The following SCN9A variants were observed in gnomAD, a reference collection of about 807,000 sequenced individuals.
SCN9A encodes sodium voltage-gated channel alpha subunit 9, also known as sodium channel protein type 9 subunit alpha.
A neutral mutation model predicts 187.0 loss-of-function variants in SCN9A; 131 were observed. That is an observed-to-expected ratio of 0.70 (90% confidence interval 0.61 to 0.81). SCN9A has a LOEUF of 0.81. Among genes scored for constraint, SCN9A ranks in the 30% least tolerant of loss-of-function variants. The pLI, the probability that SCN9A is intolerant of heterozygous loss-of-function variation, is 0.00. For missense variants in SCN9A, 2,252 were observed against 2,396.6 expected (o/e 0.94, Z 1.26); for synonymous variants, 809 against 808.6 (o/e 1.00, Z -0.01).
chr2:166,247,397 T>C (rs990437089), intron 18 of SCN9A, among the ~76,000 whole-genome samples: 15 of 152,154 alleles, frequency 9.9e-5, no homozygotes, highest in African/African-American at 3.4e-4. Context: ...TTGGTTATTG[T>C]GTTACTAAAG....
rs866349864 is a variant in SCN9A, at chr2:166,201,438, T to C, written c.4775-1574A>G. Among the ~76,000 whole-genome samples, 458 of 133,284 alleles carry C rather than the reference T, an allele frequency of 3.4e-3. 9 individuals are homozygous for C. The highest frequency in any genetic ancestry group is 0.032 in the Middle Eastern group (5 of 154). 87.4% of individuals were successfully genotyped at this position (133,284 alleles called of 152,430 possible). A position where few individuals can be genotyped will look rare whatever the true frequency, so the allele number is the denominator to read the frequency against. ...TATAGTATGCATATACTATATATAG[T>C]ATAGAGTATGCGTATACTATATATA... On this transcript the variant is annotated intron_variant, in intron 26 of 26. Coordinates refer to ENST00000642356, the MANE Select transcript of SCN9A (RefSeq NM_001365536.1).
At chr2:166,203,031 G>A (rs746713342) in intron 26 of SCN9A, among the ~76,000 whole-genome samples, 2 of 151,346 alleles carry the variant, frequency 1.3e-5, no homozygotes, top group Non-Finnish European at 3.0e-5. Flanking sequence ...GACTTAATAG[G>A]AATGCTTTCA....
At chr2:166,245,399 AG>A (rs1255825168) in intron 18 of SCN9A, among the ~76,000 whole-genome samples, 2 of 151,984 alleles carry the variant, frequency 1.3e-5, no homozygotes, top group African/African-American at 4.8e-5. Flanking sequence ...GGACAGGTAG[AG>A]GAGAAAACTT....
At chr2:166,226,804 T>A in intron 23 of SCN9A, 100 bp from the exon 24 acceptor site, 1 of 788,496 alleles carries the variant, frequency 1.3e-6, no homozygotes, top group Non-Finnish European at 1.9e-6. Flanking sequence ...CTATCCTAGG[T>A]AAACATAGGA....
chr2:166,255,219 A>T (rs891913880), intron 17 of SCN9A, among the ~76,000 whole-genome samples: 1 of 151,480 alleles, frequency 6.6e-6, no homozygotes, highest in African/African-American at 2.4e-5. Context: ...TTGATTGTAA[A>T]CTTATGTAGC....
chr2:166,319,349 C>CAAA (rs397868358), intron 1 of SCN9A, among the ~76,000 whole-genome samples: 5 of 134,812 alleles, frequency 3.7e-5, no homozygotes, highest in Non-Finnish European at 3.2e-5. Context: ...TAAGGTAGAG[C>CAAA]AAAAAAAAAA....
Position 166,239,221 on chromosome 2 carries a change from T to TAAAAAAAAA in SCN9A, c.3628-955_3628-954insTTTTTTTTT, listed in dbSNP as rs1558974298. ...CTGGGCAACAGAGCAAGACTCTGTC[T>TAAAAAAAAA]CAAAAAAAAAAAAAAAAAAAAGGCT... On this transcript the variant is annotated intron_variant, in intron 19 of 26. Coordinates refer to ENST00000642356, the MANE Select transcript of SCN9A (RefSeq NM_001365536.1). Among the ~76,000 whole-genome samples, 2 of 130,050 alleles carry TAAAAAAAAA rather than the reference T, an allele frequency of 1.5e-5. 1 individual carries two copies. The highest frequency in any genetic ancestry group is 3.2e-5 in the Non-Finnish European group (2 of 61,850). The allele number at this position is 130,050 out of a possible 152,430, so 85.3% of individuals were successfully genotyped here.
chr2:166,209,713 T>C lies in SCN9A; in HGVS notation c.4399-5249A>G, dbSNP rs1021244532. ...CAAAAAACACATGAAAAAATGCTCATCATCACTGGCCATCAGAGAAATGCA... is the reference window on the plus strand; with the variant it reads ...CAAAAAACACATGAAAAAATGCTCACCATCACTGGCCATCAGAGAAATGCA... On this transcript the variant is annotated intron_variant, in intron 24 of 26. Transcript: ENST00000642356. 2.6e-5 allele frequency among the ~76,000 whole-genome samples: 4 copies of C among 151,946 alleles called. No homozygotes were observed. The South Asian group carries it at 6.3e-4, about 24-fold the overall frequency.
intron 1 of SCN9A, among the ~76,000 whole-genome samples, chr2:166,358,975 C>T (rs1700216732): frequency 6.6e-6 from 1 of 152,182 alleles, no homozygotes; most frequent in Non-Finnish European, 1.5e-5. Context: ...TTTTTATCCA[C>T]ATGACTACCC....
chr2:166,351,055 A>G (rs540240449), intron 1 of SCN9A, among the ~76,000 whole-genome samples: 14 of 152,226 alleles, frequency 9.2e-5, no homozygotes, highest in Middle Eastern at 3.4e-3. Flanking sequence ...ACAGACATAC[A>G]CACATATTTC....
At chr2:166,287,207 A>T (rs149330843) in intron 10 of SCN9A, among the ~76,000 whole-genome samples, 68 of 152,284 alleles carry the variant, frequency 4.5e-4, no homozygotes, top group Non-Finnish European at 8.5e-4. Flanking sequence ...TTCTTGTAAA[A>T]ACATGGGAAA....
Position 166,271,647 on chromosome 2 carries a change from T to C in SCN9A, c.3351+752A>G, listed in dbSNP as rs977655434. Among the ~76,000 whole-genome samples the C allele has an allele frequency of 1.3e-4, 19 of 151,966 alleles. 1 individual carries two copies. The highest frequency in any genetic ancestry group is 3.9e-4 in the African/African-American group (16 of 41,394). On this transcript the variant is annotated intron_variant, in intron 17 of 26. Coordinates refer to ENST00000642356, the MANE Select transcript of SCN9A (RefSeq NM_001365536.1). ...AGTTTGAAGAATTGCCTGAGTCCAG[T>C]AGTTTGAGACCAGCCTGGGAAACAT...
chr2:166,325,736 G>A (rs1056834022), intron 1 of SCN9A, among the ~76,000 whole-genome samples: 14 of 152,028 alleles, frequency 9.2e-5, no homozygotes, highest in Non-Finnish European at 2.1e-4. Context: ...GGAACTGTGA[G>A]GTAACATAGA....
At chr2:166,312,284 C>T (rs904049766) in intron 1 of SCN9A, among the ~76,000 whole-genome samples, 12 of 152,158 alleles carry the variant, frequency 7.9e-5, no homozygotes, top group Non-Finnish European at 1.3e-4. Context: ...TTCCATCTCA[C>T]GAAACCACTT....
Position 166,198,234 on chromosome 2 carries a change from C to T in SCN9A, c.*438G>A, listed in dbSNP as rs1693301166. ...ACTAATGTCCATTACTTCTATCAAG[C>T]ATTTCATTGCAAAGCCAAGGCAAAT... On this transcript the variant is annotated 3_prime_UTR_variant, in exon 27 of 27. Transcript: ENST00000642356. 6.3e-6 allele frequency: 1 copy of T among 158,792 alleles called. No homozygotes were observed. The highest frequency in any genetic ancestry group is 1.4e-5 in the Non-Finnish European group (1 of 72,062). 9.8% of individuals were successfully genotyped at this position (158,792 alleles called of 1,614,324 possible).
intron 1 of SCN9A, among the ~76,000 whole-genome samples, chr2:166,364,466 T>G (rs1424193458): frequency 6.6e-6 from 1 of 152,144 alleles, no homozygotes; most frequent in African/African-American, 2.4e-5. Context: ...ACAAAATGTG[T>G]ATAAATGCAC....
chr2:166,367,936 T>C (rs969470898), intron 1 of SCN9A, among the ~76,000 whole-genome samples: 3 of 152,252 alleles, frequency 2.0e-5, no homozygotes, highest in Non-Finnish European at 2.9e-5. Context: ...TAGCTGTAAT[T>C]ACATGATTTA....
chr2:166,312,841 G>A (rs191122461), intron 1 of SCN9A, among the ~76,000 whole-genome samples: 50 of 149,772 alleles, frequency 3.3e-4, no homozygotes, highest in African/African-American at 1.2e-3. Context: ...TGAGCTATAA[G>A]TATCAACACT....
intron 17 of SCN9A, among the ~76,000 whole-genome samples, chr2:166,257,859 G>A (rs1696346301): frequency 6.6e-6 from 1 of 151,370 alleles, no homozygotes; most frequent in Non-Finnish European, 1.5e-5. Context: ...GAATAAAATA[G>A]TTTTCTATGA....
Sources: gnomAD v4.1 joint callset for allele counts (sites outside exome capture counted in the v4.1 genomes callset) on GRCh38, gnomAD v4.1.1 for gene constraint, MANE v1.5 for transcripts, NCBI Gene and HGNC (gene_info 2026-07-23, HGNC 2026-07-21) for gene names.